ROPN1: variants seen among roughly 807,000 people sequenced by gnomAD.
ROPN1 encodes ropporin-1A.
ROPN1 carries 14 observed loss-of-function variants against 20.5 expected under a neutral mutation model. The ratio of observed to expected loss-of-function variants is 0.68; its 90% CI spans 0.45 to 1.07. The LOEUF (loss-of-function observed/expected upper bound fraction) is 1.07, where lower values mean the gene tolerates loss of function less well. ROPN1 is among the 50% of genes least tolerant of loss of function. The pLI is 0.00. For synonymous variants in ROPN1, 76 were observed against 95.7 expected (o/e 0.79, Z 1.20); for missense variants, 169 against 242.8 (o/e 0.70, Z 2.02).
At chr3:123,974,914 C>T (rs1282398183) in intron 4 of ROPN1, 1 of 184,826 alleles carries the variant, frequency 5.4e-6, no homozygotes, top group Non-Finnish European at 1.2e-5. Context: ...ATAGCCTCAT[C>T]TCTCTTTTTT....
intron 3 of ROPN1, 58 bp downstream of exon 3, chr3:123,976,806 C>A: frequency 6.5e-7 from 1 of 1,538,458 alleles, no homozygotes; most frequent in Non-Finnish European, 8.9e-7. Context: ...TTTGTCTGTA[C>A]CCACCCAGCC....
chr3:123,982,692 T>C (rs574244653), intron 1 of ROPN1, among the ~76,000 whole-genome samples: 1 of 152,358 alleles, frequency 6.6e-6, no homozygotes, highest in South Asian at 2.1e-4. Flanking sequence ...TATTTGCTCA[T>C]GTTGTCTGCA....
chr3:123,989,997 T>C (rs1453907061), intron 1 of ROPN1, among the ~76,000 whole-genome samples: 3 of 152,242 alleles, frequency 2.0e-5, no homozygotes, highest in Non-Finnish European at 4.4e-5. Context: ...TTAACAATTC[T>C]TTATATTGAA....
chr3:123,969,339 T>G (rs553321876), intron 5 of ROPN1, 118 bp from the exon 6 acceptor site: 2 of 870,432 alleles, frequency 2.3e-6, no homozygotes, highest in Non-Finnish European at 3.6e-6. Context: ...TCTCTTTTTT[T>G]GTTTTGTTTT....
chr3:123,987,134 C>T (rs958101052), intron 1 of ROPN1, among the ~76,000 whole-genome samples: 1 of 152,268 alleles, frequency 6.6e-6, no homozygotes, highest in Non-Finnish European at 1.5e-5. Flanking sequence ...TCCACATCAG[C>T]TGGCTTGCTG....
chr3:123,980,787 C>A (rs1484226864), intron 1 of ROPN1: 18 of 297,702 alleles, frequency 6.0e-5, no homozygotes, highest in Non-Finnish European at 1.9e-5. Flanking sequence ...ATGATATCAC[C>A]CCCCAAAATC....
chr3:123,972,819 T>C (rs1362622399), intron 4 of ROPN1, among the ~76,000 whole-genome samples: 1 of 152,218 alleles, frequency 6.6e-6, no homozygotes. Flanking sequence ...TTAACTAGGA[T>C]GCAAGGTCTC....
intron 1 of ROPN1, among the ~76,000 whole-genome samples, chr3:123,987,083 C>T (rs1405403995): frequency 6.6e-6 from 1 of 152,242 alleles, no homozygotes; most frequent in Non-Finnish European, 1.5e-5. Flanking sequence ...CATCCCTGGC[C>T]ATGCTGTACT....
rs530221671 is a variant in ROPN1 at position 123,990,931 on chromosome 3, A to T, written c.-13+991T>A. Among the ~76,000 whole-genome samples the T allele has an allele frequency of 5.6e-3, 853 of 152,316 alleles. 1 individual carries two copies. Among genetic ancestry groups the T allele is most frequent in the Non-Finnish European group, 8.8e-3 (600 of 68,038 alleles). ...CGTTTCATAAATGAAAGTCTCCAGT[A>T]ACATGAATGAAAGGCTCCAGGGCAG... is the stretch of plus-strand genomic sequence containing the variant. On this transcript the variant is annotated intron_variant, in intron 1 of 5. Coordinates refer to ENST00000405845, the MANE Select transcript of ROPN1 (RefSeq NM_001317774.2).
At chr3:123,970,267 T>G in intron 4 of ROPN1, 50 bp from the exon 5 acceptor site, 1 of 1,536,978 alleles carries the variant, frequency 6.5e-7, no homozygotes, top group Non-Finnish European at 9.0e-7. Flanking sequence ...CAGGCAATAT[T>G]CCTGAGATCG....
At chr3:123,974,829 C>A in intron 4 of ROPN1, 1 of 164,236 alleles carries the variant, frequency 6.1e-6, no homozygotes, top group Non-Finnish European at 1.3e-5. Flanking sequence ...CAATATCAAA[C>A]AAGTCAAATT....
At chr3:123,972,688 C>T (rs554308151) in intron 4 of ROPN1, among the ~76,000 whole-genome samples, 77 of 152,260 alleles carry the variant, frequency 5.1e-4, no homozygotes, top group Admixed American at 9.2e-4. Context: ...AGTAAAAATT[C>T]CTGTTACTAG....
chr3:123,987,577 G>C (rs2038292954), intron 1 of ROPN1, among the ~76,000 whole-genome samples: 1 of 152,162 alleles, frequency 6.6e-6, no homozygotes, highest in South Asian at 2.1e-4. Context: ...ATTATGCCCT[G>C]TCTGACTTTC....
chr3:123,975,100 A>G (rs2037994304), intron 4 of ROPN1: 1 of 476,154 alleles, frequency 2.1e-6, no homozygotes, highest in Admixed American at 3.4e-5. Context: ...CGGAGTGAAA[A>G]TAAATCTGAG....
In ROPN1 at chr3:123,970,232, T is replaced by C. The variant is rs760138564; in HGVS notation, c.397-15A>G. On this transcript the variant is annotated splice_polypyrimidine_tract_variant and intron_variant, in intron 4 of 5. Coordinates refer to ENST00000405845, the MANE Select transcript of ROPN1 (RefSeq NM_001317774.2). ...TTGGTAATAGTCTATAAAAGTTAGATAAAATGAGGAGAAAGTTACTCTTCC... is the reference window on the plus strand; with the variant it reads ...TTGGTAATAGTCTATAAAAGTTAGACAAAATGAGGAGAAAGTTACTCTTCC... 6.2e-7 allele frequency: 1 copy of C among 1,607,154 alleles called. No homozygotes were observed. The highest frequency in any genetic ancestry group is 1.7e-4 in the Middle Eastern group (1 of 6,046).
chr3:123,991,089 T>C, intron 1 of ROPN1: 1 of 152,208 alleles, frequency 6.6e-6, no homozygotes. Context: ...CTCCTCCTCT[T>C]AACAGGTTGA....
chr3:123,990,954 C>A (rs1043043704), intron 1 of ROPN1, among the ~76,000 whole-genome samples: 2 of 152,194 alleles, frequency 1.3e-5, no homozygotes, highest in Non-Finnish European at 2.9e-5. Flanking sequence ...GGCTCCAGGG[C>A]AGAATCTCAG....
intron 5 of ROPN1, among the ~76,000 whole-genome samples, chr3:123,969,767 GGT>G (rs1029881442): frequency 3.9e-5 from 6 of 152,186 alleles, no homozygotes; most frequent in Admixed American, 6.5e-5. Flanking sequence ...ATAGGTCCAG[GGT>G]GTAGCCTGAG....
chr3:123,969,584 G>T (rs561059332), intron 5 of ROPN1, among the ~76,000 whole-genome samples: 69 of 152,344 alleles, frequency 4.5e-4, no homozygotes, highest in African/African-American at 1.6e-3. Flanking sequence ...AGGGTTACAG[G>T]TGTGAGCCGC....
Sources: gnomAD v4.1 joint callset for allele counts (sites outside exome capture counted in the v4.1 genomes callset) on GRCh38, gnomAD v4.1.1 for gene constraint, MANE v1.5 for transcripts, NCBI Gene and HGNC (gene_info 2026-07-23, HGNC 2026-07-21) for gene names.